Variants in MRO observed in about 807,000 individuals in gnomAD.
The protein encoded by MRO is protein maestro.
MRO carries 28 observed loss-of-function variants against 31.0 expected under a neutral mutation model. The observed-to-expected ratio is 0.90, with a 90% CI of 0.67 to 1.24. The LOEUF is 1.24. Among genes scored for constraint, MRO ranks in the 50% most tolerant of loss-of-function variants. MRO has a pLI of 0.00. For synonymous variants in MRO, 108 were observed against 108.4 expected (o/e 1.00, Z 0.02); for missense variants, 332 against 289.2 (o/e 1.15, Z -1.07).
rs745929323 is a variant in MRO at position 50,800,057 on chromosome 18, G to A, written c.672C>T (p.Asn224=). 13 of 1,613,172 alleles carry A rather than the reference G, an allele frequency of 8.1e-6. No individual in the cohort carries two copies. Among genetic ancestry groups the A allele is most frequent in the East Asian group, 4.5e-5 (2 of 44,850 alleles). The part of the protein sequence containing the change: ...YSFQSEEDQR[N]TKLYQQLSHY... ...TCACCAGCTGCTGGTAGAGCTTAGTGTTCCTTTGATCTTCTTCACTCTGGA... is the reference window on the plus strand; with the variant it reads ...TCACCAGCTGCTGGTAGAGCTTAGTATTCCTTTGATCTTCTTCACTCTGGA... The change falls in exon 7 of 8, where the codon AAC becomes AAT. Residue 224 remains asparagine, a synonymous_variant. Transcript: ENST00000398439.
At chr18:50,823,759 C>A, upstream of MRO, 1 of 177,788 alleles carries the variant, frequency 5.6e-6, no homozygotes, top group South Asian at 1.3e-4. Flanking sequence ...GCCTTTCCGT[C>A]ATTACAAAGG....
upstream of MRO, among the ~76,000 whole-genome samples, chr18:50,822,404 A>T (rs1417432786): frequency 1.3e-5 from 2 of 150,304 alleles, no homozygotes; most frequent in African/African-American, 4.9e-5. Context: ...AGTGGGGGGA[A>T]CTTGGCTCAC....
chr18:50,802,101 A>G (rs1277310797), intron 5 of MRO, among the ~76,000 whole-genome samples: 4 of 152,216 alleles, frequency 2.6e-5, no homozygotes, highest in African/African-American at 9.6e-5. Context: ...TCAATACATA[A>G]AAGAGTTTTC....
intron 6 of MRO, among the ~76,000 whole-genome samples, chr18:50,800,895 AAAAG>A (rs1234006641): frequency 2.0e-5 from 3 of 151,956 alleles, no homozygotes; most frequent in South Asian, 2.1e-4. Context: ...AAAAAAAAAA[AAAAG>A]AAAGAAAGAA....
At chr18:50,805,012 G>C in intron 5 of MRO, 142 bp downstream of exon 5, 2 of 611,694 alleles carry the variant, frequency 3.3e-6, no homozygotes, top group South Asian at 1.9e-5. Context: ...GGATGGTCTC[G>C]ATCTCCTGAC....
chr18:50,806,927 A>G, intron 3 of MRO, 77 bp from the exon 4 acceptor site: 3 of 1,444,418 alleles, frequency 2.1e-6, no homozygotes, highest in Non-Finnish European at 2.9e-6. Context: ...CTCTCCCTCT[A>G]AAGAAAATCC....
At position 50,800,100 on chromosome 18, in the gene MRO, A is replaced by C. The variant is rs748254316; in HGVS notation, c.629T>G (p.Leu210Arg). The C allele has an allele frequency of 6.2e-7, 1 of 1,613,772 alleles. No individual in the cohort carries two copies. The highest frequency in any genetic ancestry group is 1.7e-5 in the Admixed American group (1 of 60,006). ...ACTCTGGAAGCTGTATTCCTCCTTTAGTTTCAGATATGGAGAACAGGCTTG... is the reference window on the plus strand; with the variant it reads ...ACTCTGGAAGCTGTATTCCTCCTTTCGTTTCAGATATGGAGAACAGGCTTG... Reference protein sequence around the residue: ...TFQACSPYLKLKEEYSFQSEE... With the variant: ...TFQACSPYLKRKEEYSFQSEE... The change falls in exon 7 of 8, where the codon CTA becomes CGA. Residue 210 changes from leucine to arginine, a missense_variant. Transcript: ENST00000398439.
At chr18:50,808,574 T>C (rs2144626625) in intron 3 of MRO, among the ~76,000 whole-genome samples, 1 of 150,450 alleles carries the variant, frequency 6.6e-6, no homozygotes, top group Non-Finnish European at 1.5e-5. Flanking sequence ...TCCTCCCACC[T>C]CAGCCCTGAG....
At position 50,797,903 on chromosome 18, in the gene MRO, C is replaced by T. The variant is rs1459117148; in HGVS notation, c.*1434G>A. On this transcript the variant is annotated 3_prime_UTR_variant, in exon 8 of 8. Coordinates refer to ENST00000398439, the MANE Select transcript of MRO (RefSeq NM_031939.6). ...CCATTCCTGCCTGGCACTTGCCACT[C>T]TGTCTGCCATCTCCCACATCCTCAT... 1 of 152,520 alleles carries T rather than the reference C, an allele frequency of 6.6e-6. No homozygotes were observed. Among genetic ancestry groups the T allele is most frequent in the African/African-American group, 2.4e-5 (1 of 41,450 alleles). 9.4% of individuals were successfully genotyped at this position (152,520 alleles called of 1,614,324 possible).
chr18:50,801,628 A>C, intron 5 of MRO, 124 bp from the exon 6 acceptor site: 1 of 931,570 alleles, frequency 1.1e-6, no homozygotes. Context: ...CATCACAGCC[A>C]TCGATCTTGA....
chr18:50,806,813 A>C lies in MRO; in HGVS notation c.137T>G (p.Leu46Arg), dbSNP rs1333095411. The change falls in exon 4 of 8, where the codon CTG becomes CGG. Residue 46 changes from leucine to arginine, a missense_variant. Physicochemically the swap from Leu to Arg is moderately radical, Grantham distance 102 (BLOSUM62 -2). Transcript: ENST00000398439. Reference protein sequence around the residue: ...WKLRFQKREPLKNVFFILAER... With the variant: ...WKLRFQKREPRKNVFFILAER... ...TGCCAAGATGAAAAACACATTCTTC[A>C]GAGGCTCCCGCTTCTGGAACCTCAG... 6.2e-7 allele frequency: 1 copy of C among 1,614,168 alleles called. No homozygotes were observed. The highest frequency in any genetic ancestry group is 8.5e-7 in the Non-Finnish European group (1 of 1,180,018).
chr18:50,803,514 A>T (rs534459864), intron 5 of MRO, among the ~76,000 whole-genome samples: 18 of 152,090 alleles, frequency 1.2e-4, no homozygotes, highest in African/African-American at 4.3e-4. Flanking sequence ...CTCAAAAAAA[A>T]AAAAAAAAGT....
rs1912727674 is a variant in MRO at position 50,795,664 on chromosome 18, G to C, written c.*3673C>G. On this transcript the variant is annotated 3_prime_UTR_variant, in exon 8 of 8. Coordinates refer to ENST00000398439, the MANE Select transcript of MRO (RefSeq NM_031939.6). The stretch of plus-strand genomic sequence containing the variant: ...TTTAAGAAAGACCTATCTCAGCCAG[G>C]AGCGGTGGCTCACGCCTGTAATCCC... The C allele has an allele frequency of 6.6e-6, 1 of 152,368 alleles. No individual in the cohort carries two copies. The highest frequency in any genetic ancestry group is 1.5e-5 in the Non-Finnish European group (1 of 68,210). The allele number at this position is 152,368 out of a possible 1,614,324, so 9.4% of individuals were successfully genotyped here. A position where few individuals can be genotyped will look rare whatever the true frequency, so the allele number is the denominator to read the frequency against.
intron 2 of MRO, chr18:50,815,700 A>G: frequency 2.3e-6 from 1 of 441,726 alleles, no homozygotes; most frequent in South Asian, 1.7e-5. Context: ...TGGATCTGGT[A>G]GTGGAAATGG....
chr18:50,798,179 C>G lies in MRO; in HGVS notation c.*1158G>C, dbSNP rs1912948657. On this transcript the variant is annotated 3_prime_UTR_variant, in exon 8 of 8. Transcript: ENST00000398439. ...CTGGTTAGAGGGAGGGTGAGAGGGA[C>G]TTAGAGATTTTTCTTGTAATTTTTA... is the stretch of plus-strand genomic sequence containing the variant. 1 of 152,128 alleles carries G rather than the reference C, an allele frequency of 6.6e-6. No homozygotes were observed. The highest frequency in any genetic ancestry group is 6.6e-5 in the Admixed American group (1 of 15,260). The allele number at this position is 152,128 out of a possible 1,614,324, so 9.4% of individuals were successfully genotyped here.
chr18:50,822,484 C>T (rs932838503), upstream of MRO, among the ~76,000 whole-genome samples: 8 of 152,200 alleles, frequency 5.3e-5, no homozygotes, highest in East Asian at 7.7e-4. Context: ...ACTACAGGCG[C>T]CTGCCACCAC....
intron 5 of MRO, among the ~76,000 whole-genome samples, chr18:50,803,002 G>A (rs1432275350): frequency 6.6e-6 from 1 of 151,782 alleles, no homozygotes. Flanking sequence ...GCTTTAAGAT[G>A]TACAGACACG....
chr18:50,819,510 T>G, intron 2 of MRO, 71 bp downstream of exon 2: 2 of 1,535,184 alleles, frequency 1.3e-6, no homozygotes, highest in Non-Finnish European at 1.8e-6. Context: ...TCCAGAAAGG[T>G]TTTGGGAACC....
At chr18:50,804,277 A>T (rs1256250143) in intron 5 of MRO, among the ~76,000 whole-genome samples, 3 of 152,206 alleles carry the variant, frequency 2.0e-5, no homozygotes, top group Non-Finnish European at 4.4e-5. Context: ...CATTGACTAC[A>T]TGTTAGTCAA....
Sources: allele counts gnomAD v4.1 joint callset (sites outside exome capture counted in the v4.1 genomes callset), GRCh38; gene constraint gnomAD v4.1.1; transcripts MANE v1.5; gene names NCBI Gene and HGNC (gene_info 2026-07-23, HGNC 2026-07-21).